DOCK1: variants seen among roughly 807,000 people sequenced by gnomAD.
DOCK1 encodes the protein dedicator of cytokinesis protein 1.
A neutral mutation model predicts 262.7 loss-of-function variants in DOCK1; 138 were observed. That is an observed-to-expected ratio of 0.53 (90% CI 0.46 to 0.61). The LOEUF is 0.61. Ranked by LOEUF, DOCK1 falls within the 20% of genes least tolerant of loss-of-function variation. The pLI, the probability that DOCK1 is intolerant of heterozygous loss-of-function variation, is 0.00. For synonymous variants in DOCK1, 866 were observed against 867.4 expected (o/e 1.00, Z 0.03); for missense variants, 1,908 against 2,370.7 (o/e 0.80, Z 4.05).
intron 33 of DOCK1, among the ~76,000 whole-genome samples, chr10:127,368,444 A>G (rs552436828): frequency 1.3e-5 from 2 of 151,280 alleles, no homozygotes; most frequent in East Asian, 3.9e-4. Context: ...CAGCTGGCCA[A>G]CTCCTCGAGA....
At chr10:127,204,849 C>T (rs1284446362) in intron 27 of DOCK1, among the ~76,000 whole-genome samples, 2 of 152,104 alleles carry the variant, frequency 1.3e-5, no homozygotes, top group Non-Finnish European at 2.9e-5. Flanking sequence ...CTGCTCTTGG[C>T]CTGTTGGACA....
chr10:126,979,576 A>G (rs758087899), intron 3 of DOCK1, among the ~76,000 whole-genome samples: 46 of 152,016 alleles, frequency 3.0e-4, no homozygotes, highest in Non-Finnish European at 5.0e-4. Context: ...ACCTTCCCCA[A>G]TTTGAGATCT....
chr10:127,438,629 AT>A (rs1402625798), intron 48 of DOCK1, among the ~76,000 whole-genome samples: 1 of 152,190 alleles, frequency 6.6e-6, no homozygotes, highest in Non-Finnish European at 1.5e-5. Flanking sequence ...GGTAGCAGAC[AT>A]TTCTTTGCAT....
At chr10:127,024,438 A>G (rs2135461278) in intron 14 of DOCK1, among the ~76,000 whole-genome samples, 1 of 152,250 alleles carries the variant, frequency 6.6e-6, no homozygotes, top group South Asian at 2.1e-4. Flanking sequence ...GGGTCTGGGG[A>G]ACTGGAGGTC....
At chr10:127,405,119 C>T (rs79435735) in intron 40 of DOCK1, among the ~76,000 whole-genome samples, 2,736 of 152,256 alleles carry the variant, frequency 0.018, 77 homozygotes, top group African/African-American at 0.063. Flanking sequence ...GGGTTGTCCC[C>T]GCCCAATGTG....
At chr10:127,315,086 G>A (rs2062217086) in intron 29 of DOCK1, among the ~76,000 whole-genome samples, 1 of 152,168 alleles carries the variant, frequency 6.6e-6, no homozygotes. Context: ...CTCGTCATAG[G>A]GTGGGCTAAG....
intron 7 of DOCK1, among the ~76,000 whole-genome samples, chr10:126,997,182 G>A (rs568230242): frequency 3.3e-5 from 5 of 152,198 alleles, no homozygotes; most frequent in Middle Eastern, 3.4e-3. Context: ...ATTTCCTCTC[G>A]GATAATGGTA....
intron 1 of DOCK1, among the ~76,000 whole-genome samples, chr10:126,951,359 G>C (rs895920921): frequency 1.3e-5 from 2 of 151,302 alleles, no homozygotes; most frequent in Admixed American, 1.3e-4. Flanking sequence ...ATTGTTGATA[G>C]TATTGGTAGT....
chr10:127,063,257 G>A (rs1004517143), intron 23 of DOCK1, among the ~76,000 whole-genome samples: 7 of 152,074 alleles, frequency 4.6e-5, no homozygotes, highest in Non-Finnish European at 7.4e-5. Flanking sequence ...TATGGCTAGT[G>A]TCTTAAAAAT....
rs564797187 is a variant in DOCK1, at chr10:127,006,956, A to G, written c.986-1776A>G. ...AAATGAGTTTATTGAAGGATGCTGA[A>G]CTGGTGGTCTCGGGCATCTTGGAAA... On this transcript the variant is annotated intron_variant, in intron 10 of 51. Transcript: ENST00000623213. Among the ~76,000 whole-genome samples, 4 of 152,150 alleles carry G rather than the reference A, an allele frequency of 2.6e-5. No individual in the cohort carries two copies. In the South Asian group the frequency reaches 8.3e-4, roughly 32 times the overall value.
chr10:127,360,420 C>T (rs997580691), intron 32 of DOCK1, among the ~76,000 whole-genome samples: 2 of 152,174 alleles, frequency 1.3e-5, no homozygotes, highest in Non-Finnish European at 2.9e-5. Context: ...TCTGCCCAGT[C>T]GCCAGATTTC....
intron 23 of DOCK1, among the ~76,000 whole-genome samples, chr10:127,071,726 A>T (rs992325729): frequency 1.3e-5 from 2 of 152,112 alleles, no homozygotes; most frequent in African/African-American, 4.8e-5. Context: ...CCTCAAATTA[A>T]TTTTTCTATT....
At chr10:126,944,941 C>T (rs903833243) in intron 1 of DOCK1, among the ~76,000 whole-genome samples, 8 of 152,126 alleles carry the variant, frequency 5.3e-5, no homozygotes, top group South Asian at 4.1e-4. Context: ...CGGGTTCAAA[C>T]GATTCTCCTG....
chr10:126,957,418 G>A (rs2036835588), intron 1 of DOCK1, among the ~76,000 whole-genome samples: 1 of 152,136 alleles, frequency 6.6e-6, no homozygotes. Context: ...AATTCCATGG[G>A]CCAAAAACAG....
At position 127,425,984 on chromosome 10, in the gene DOCK1, G is replaced by A. The variant is rs1443576831; in HGVS notation, c.4887G>A (p.Val1629=). Reference sequence around the variant, plus strand: ...GTTTCAAACAGCTGAAGGAAAAGGTGGAGAAAGAGTACGGCGTCCGAATCA... The same window carrying A: ...GTTTCAAACAGCTGAAGGAAAAGGTAGAGAAAGAGTACGGCGTCCGAATCA... ...EACFKQLKEK[V]EKEYGVRIMP... Residue 1629 remains valine (V), a synonymous_variant, in exon 47 of 52, where the codon GTG becomes GTA. Transcript: ENST00000623213. 2 of 1,614,034 alleles carry A rather than the reference G, an allele frequency of 1.2e-6. No homozygotes were observed. Among genetic ancestry groups the A allele is most frequent in the Non-Finnish European group, 1.7e-6 (2 of 1,179,904 alleles).
chr10:126,998,380 C>T (rs781042566), intron 8 of DOCK1, 131 bp downstream of exon 8: 245 of 1,276,796 alleles, frequency 1.9e-4, no homozygotes, highest in Admixed American at 4.0e-4. Context: ...AGCAAGCAGC[C>T]GAGTCAAGAG....
intron 33 of DOCK1, among the ~76,000 whole-genome samples, chr10:127,365,995 A>C (rs2064884538): frequency 6.6e-6 from 1 of 152,222 alleles, no homozygotes; most frequent in South Asian, 2.1e-4. Context: ...ATTTAGTTCC[A>C]TCTCATAAAC....
At chr10:127,093,223 C>CTTTCTTTCTTTCTTTCTTTCT (rs2047667166) in intron 23 of DOCK1, among the ~76,000 whole-genome samples, 4 of 94,500 alleles carry the variant, frequency 4.2e-5, no homozygotes, top group African/African-American at 4.9e-5. Flanking sequence ...TCTTTCTTTT[C>CTTTCTTTCTTTCTTTCTTTCT]TTTCTTTCTT....
intron 2 of DOCK1, among the ~76,000 whole-genome samples, chr10:126,977,134 G>T (rs532729380): frequency 6.6e-6 from 1 of 152,186 alleles, no homozygotes; most frequent in Non-Finnish European, 1.5e-5. Flanking sequence ...ACAAATGGTG[G>T]GGTGCTTGGA....
Sources: allele counts gnomAD v4.1 joint callset (sites outside exome capture counted in the v4.1 genomes callset), GRCh38; gene constraint gnomAD v4.1.1; transcripts MANE v1.5; gene names NCBI Gene and HGNC (gene_info 2026-07-23, HGNC 2026-07-21).